MAP4K2: variants seen among roughly 807,000 people sequenced by gnomAD.
MAP4K2 encodes the protein B lymphocyte serine/threonine protein kinase.
In MAP4K2, 85 loss-of-function variants were observed where a neutral mutation model predicts 125.3. The ratio of observed to expected loss-of-function variants is 0.68; its 90% CI spans 0.57 to 0.81. The LOEUF (loss-of-function observed/expected upper bound fraction) is 0.81, where lower values mean the gene tolerates loss of function less well. MAP4K2 is among the 40% of genes least tolerant of loss of function. MAP4K2 has a pLI of 0.00. For missense variants in MAP4K2, 923 were observed against 1,056.4 expected, an observed-to-expected ratio of 0.87 and a Z score of 1.75; for synonymous variants, 479 against 445.1, an observed-to-expected ratio of 1.08 and a Z score of -0.96.
chr11:64,800,503 A>G (rs1941099612), intron 10 of MAP4K2, 111 bp from the exon 11 acceptor site: 1 of 1,299,376 alleles, frequency 7.7e-7, no homozygotes, highest in Non-Finnish European at 1.1e-6. Flanking sequence ...CCACCCAGGA[A>G]GGAGCCAGCC....
In MAP4K2 at chr11:64,792,082, A is replaced by G. The variant is rs776051598; in HGVS notation, c.1919T>C (p.Phe640Ser). 1 of 1,585,968 alleles carries G rather than the reference A, an allele frequency of 6.3e-7. No homozygotes were observed. The highest frequency in any genetic ancestry group is 1.1e-5 in the South Asian group (1 of 87,352). Residue 640 changes from phenylalanine to serine, a missense_variant, in exon 27 of 32, where the codon TTC becomes TCC. This residue lies in a region of MAP4K2 where 833 missense variants were observed against 911.4 expected (regional missense o/e 0.91). Transcript: ENST00000294066. ...PLQKFLLLKN[F>S]SSPLPSPAGM... ...AGCTGGGCTGGGCAGAGGGCTGGAG[A>G]AGTTCTAGGGGGCAGCAGGGATGCT...
Position 64,792,387 on chromosome 11 carries a change from T to C in MAP4K2, c.1787A>G (p.Lys596Arg). ...FALSTKIPDT[K>R]GCLQCRVVRN... ...ACCCACACGACACTGCAAGCAGCCT[T>C]TGGTGTCAGGAATCTTGGTGGACAG... The change falls in exon 25 of 32, where the codon AAA (lysine) becomes AGA (arginine). Residue 596 changes from lysine to arginine, a missense_variant. Physicochemically the swap from Lys to Arg is conservative, Grantham distance 26. Around this residue, in one of 2 missense-constraint regions of MAP4K2, gnomAD observed 833 missense variants for 911.4 expected, o/e 0.91. Transcript: ENST00000294066. 5 of 1,474,606 alleles carry C rather than the reference T, an allele frequency of 3.4e-6. No individual in the cohort carries two copies. The highest frequency in any genetic ancestry group is 4.5e-6 in the Non-Finnish European group (5 of 1,101,598). The allele number at this position is 1,474,606 out of a possible 1,614,324, so 91.3% of individuals were successfully genotyped here.
chr11:64,801,814 A>G (rs1351292914), intron 5 of MAP4K2, 57 bp from the exon 6 acceptor site: 6 of 1,582,716 alleles, frequency 3.8e-6, no homozygotes, highest in African/African-American at 1.3e-5. Flanking sequence ...CACCTCCCCA[A>G]ACCCCCTCTC....
At chr11:64,792,148 G>A in intron 26 of MAP4K2, 24 bp downstream of exon 26, 3 of 1,593,152 alleles carry the variant, frequency 1.9e-6, no homozygotes, top group Middle Eastern at 1.7e-4. Flanking sequence ...AGGGTGCCCT[G>A]GGCCTCCCCC....
chr11:64,792,331 G>GGCCC (rs1565611298), intron 25 of MAP4K2, 33 bp downstream of exon 25: 63 of 1,535,244 alleles, frequency 4.1e-5, no homozygotes, highest in African/African-American at 5.5e-5. Context: ...CCCCCACCAG[G>GGCCC]CCCCGCCCCA....
At chr11:64,796,608 G>T in intron 22 of MAP4K2, 26 bp downstream of exon 22, 1 of 1,613,930 alleles carries the variant, frequency 6.2e-7, no homozygotes, top group Non-Finnish European at 8.5e-7. Context: ...CAAGGCCTCT[G>T]CCCCCCACAG....
In MAP4K2 at chr11:64,801,601, A is replaced by T. The variant is rs1470527061; in HGVS notation, c.435T>A (p.Thr145=). ...RDIKGANLLL[T]LQGDVKLADF... ...GACCCAGTTTGACATCTCCCTGGAGAGTGAGGAGAAGGTTGGCTCCCTGTG... is the reference window on the plus strand; with the variant it reads ...GACCCAGTTTGACATCTCCCTGGAGTGTGAGGAGAAGGTTGGCTCCCTGTG... The change falls in exon 7 of 32, where the codon ACT becomes ACA. Residue 145 remains threonine, a synonymous_variant. Transcript: ENST00000294066. The T allele has an allele frequency of 4.3e-6, 7 of 1,613,680 alleles. No homozygotes were observed. Among genetic ancestry groups the T allele is most frequent in the Non-Finnish European group, 5.9e-6 (7 of 1,179,912 alleles).
intron 26 of MAP4K2, 32 bp from the exon 27 acceptor site, chr11:64,792,118 T>C: frequency 6.3e-7 from 1 of 1,580,474 alleles, no homozygotes; most frequent in Non-Finnish European, 8.6e-7. Context: ...CAGGTCTCCA[T>C]TTCTCCCCCC....
rs1940343381 is a variant in MAP4K2, at chr11:64,789,500, G to A, written c.*37C>T. The A allele has an allele frequency of 1.9e-6, 3 of 1,540,480 alleles. No homozygotes were observed. Among genetic ancestry groups the A allele is most frequent in the African/African-American group, 2.7e-5 (2 of 73,172 alleles). On this transcript the variant is annotated 3_prime_UTR_variant, in exon 32 of 32. Coordinates refer to ENST00000294066, the MANE Select transcript of MAP4K2 (RefSeq NM_004579.5). ...CAAAAGGGCCTGCAGCTAAGGCGTG[G>A]GGTGGGGCGGGGAGCCCCTGGACAG...
chr11:64,801,502 C>T, intron 7 of MAP4K2, 77 bp downstream of exon 7: 1 of 1,538,208 alleles, frequency 6.5e-7, no homozygotes, highest in Non-Finnish European at 9.0e-7. Context: ...TGCCCAGTGA[C>T]ACCCAACCCT....
rs940174932 is a variant in MAP4K2, at chr11:64,785,203, T to C, written c.*4334A>G. 2 of 152,220 alleles carry C rather than the reference T, an allele frequency of 1.3e-5. No homozygotes were observed. Among genetic ancestry groups the C allele is most frequent in the Non-Finnish European group, 2.9e-5 (2 of 68,056 alleles). The allele number at this position is 152,220 out of a possible 1,614,324, so 9.4% of individuals were successfully genotyped here. On this transcript the variant is annotated 3_prime_UTR_variant, in exon 32 of 32. Coordinates refer to ENST00000294066, the MANE Select transcript of MAP4K2 (RefSeq NM_004579.5). ...TAGTGACAGAAAGCAGCACAGTTGT[T>C]ACTTGGGGATGGGAGGCAAGAAGCA...
rs1307778018 is a variant in MAP4K2, at chr11:64,797,496, G to A, written c.1170+5C>T. 3 of 1,563,504 alleles carry A rather than the reference G, an allele frequency of 1.9e-6. No individual in the cohort carries two copies. Among genetic ancestry groups the A allele is most frequent in the South Asian group, 1.2e-5 (1 of 84,936 alleles). ...TCCCAGCTCCAGCCTCCCTCTGTGT[G>A]GCACCTGGAATTCTGAGGCTGACCG... On this transcript the variant is annotated splice_donor_5th_base_variant and intron_variant, in intron 17 of 31. Coordinates refer to ENST00000294066, the MANE Select transcript of MAP4K2 (RefSeq NM_004579.5).
At chr11:64,794,347 T>C (rs996563359) in intron 24 of MAP4K2, among the ~76,000 whole-genome samples, 6 of 143,388 alleles carry the variant, frequency 4.2e-5, no homozygotes, top group Admixed American at 7.2e-5. Flanking sequence ...AGAATCTGAC[T>C]GTTTTTCTCT....
chr11:64,790,221 C>G lies in MAP4K2; in HGVS notation c.2215G>C (p.Glu739Gln). 1 of 1,614,198 alleles carries G rather than the reference C, an allele frequency of 6.2e-7. No individual in the cohort carries two copies. The highest frequency in any genetic ancestry group is 8.5e-7 in the Non-Finnish European group (1 of 1,180,032). ...QGEPTATLAP[E>Q]LTFDFPIETV... is the part of the protein sequence containing the mutation. ...TCGATGGGGAAATCAAAGGTCAGCT[C>G]AGGTGCCAGTGTGGCCGTGGGCTCG... The change falls in exon 29 of 32, where the codon GAG becomes CAG. Residue 739 changes from glutamate to glutamine, a missense_variant. Coordinates refer to ENST00000294066, the MANE Select transcript of MAP4K2 (RefSeq NM_004579.5).
chr11:64,794,638 G>A (rs1200006761), intron 24 of MAP4K2, among the ~76,000 whole-genome samples: 5 of 152,288 alleles, frequency 3.3e-5, no homozygotes, highest in South Asian at 2.1e-4. Flanking sequence ...GATTACAGGC[G>A]TGAGCCACTG....
In MAP4K2 at chr11:64,787,476, G is replaced by C. The variant is rs866063458; in HGVS notation, c.*2061C>G. 2.0e-5 allele frequency: 3 copies of C among 152,208 alleles called. No homozygotes were observed. The highest frequency in any genetic ancestry group is 7.2e-5 in the African/African-American group (3 of 41,452). The allele number at this position is 152,208 out of a possible 1,614,324, so 9.4% of individuals were successfully genotyped here. A position where few individuals can be genotyped will look rare whatever the true frequency, so the allele number is the denominator to read the frequency against. ...GGGTTCATAAGTAACTGAGACCAGG[G>C]TGGCTGGGGACGGGGTAAGAGGGAG... On this transcript the variant is annotated 3_prime_UTR_variant, in exon 32 of 32. Transcript: ENST00000294066.
At position 64,785,252 on chromosome 11, in the gene MAP4K2, T is replaced by C. The variant is rs1454697374; in HGVS notation, c.*4285A>G. 1 of 152,240 alleles carries C rather than the reference T, an allele frequency of 6.6e-6. No homozygotes were observed. The highest frequency in any genetic ancestry group is 1.5e-5 in the Non-Finnish European group (1 of 68,052). 9.4% of individuals were successfully genotyped at this position (152,240 alleles called of 1,614,324 possible). A position where few individuals can be genotyped will look rare whatever the true frequency, so the allele number is the denominator to read the frequency against. ...CAGGAGGGTGGGCTTACCAAGGGCA[T>C]GGGAAACTTTCCAGAGTGAAGGGGA... On this transcript the variant is annotated 3_prime_UTR_variant, in exon 32 of 32. Transcript: ENST00000294066.
rs759761057 is a variant in MAP4K2 at position 64,797,389 on chromosome 11, A to G, written c.1171-9T>C. The G allele has an allele frequency of 8.9e-6, 14 of 1,574,398 alleles. No individual in the cohort carries two copies. The African/African-American group carries it at 1.9e-4, about 21-fold the overall frequency. ...TCTGGGGAGTCCAGCTCCTGGTAGG[A>G]GGGGCAGGGCCCAGCCCGGCCGTTA... On this transcript the variant is annotated splice_polypyrimidine_tract_variant and intron_variant, in intron 17 of 31. Transcript: ENST00000294066.
chr11:64,797,592 C>T (rs773613575), intron 16 of MAP4K2, 34 bp downstream of exon 16: 1 of 1,577,030 alleles, frequency 6.3e-7, no homozygotes, highest in Non-Finnish European at 8.6e-7. Context: ...AGGCCACCTG[C>T]CCCTTGCCCC....
Sources: allele counts gnomAD v4.1 joint callset (sites outside exome capture counted in the v4.1 genomes callset), GRCh38; gene constraint gnomAD v4.1.1; regional missense constraint gnomAD v4.1.1; transcripts MANE v1.5; gene names NCBI Gene and HGNC (gene_info 2026-07-23, HGNC 2026-07-21).